The following WDPCP variants were observed in gnomAD, a reference collection of about 807,000 sequenced individuals.
The protein encoded by WDPCP is WD repeat-containing and planar cell polarity effector protein fritz homolog.
Under a neutral mutation model 93.1 loss-of-function variants are expected in WDPCP, and 71 were observed. That is an observed-to-expected ratio of 0.76 (90% CI 0.63 to 0.93). The LOEUF is 0.93. Ranked by LOEUF, WDPCP falls within the 40% of genes least tolerant of loss-of-function variation. WDPCP has a pLI of 0.00. For missense variants in WDPCP, 844 were observed against 887.4 expected, an observed-to-expected ratio of 0.95 and a Z score of 0.62; for synonymous variants, 315 against 315.0, an observed-to-expected ratio of 1.00 and a Z score of 0.00.
intron 13 of WDPCP, among the ~76,000 whole-genome samples, chr2:63,271,784 A>T (rs1046310475): frequency 6.6e-6 from 1 of 152,162 alleles, no homozygotes; most frequent in Non-Finnish European, 1.5e-5. Flanking sequence ...TTTTGAGAGC[A>T]TGACATCAGG....
At chr2:63,723,112 T>A (rs1669450293) in intron 2 of WDPCP, among the ~76,000 whole-genome samples, 3 of 151,806 alleles carry the variant, frequency 2.0e-5, no homozygotes, top group Non-Finnish European at 4.4e-5. Context: ...TCATCACCAC[T>A]CCCTAATCTC....
chr2:63,530,394 T>C (rs1375044775), intron 1 of WDPCP, among the ~76,000 whole-genome samples: 1 of 152,252 alleles, frequency 6.6e-6, no homozygotes, highest in Admixed American at 6.5e-5. Flanking sequence ...GATTCTGGTA[T>C]GCTGTGTCTT....
In WDPCP at chr2:63,619,546, G is replaced by A. The variant is rs537345451; in HGVS notation, n.488+31113C>T. ...CTGCTGTCATTATTTACTCTTCCTC[G>A]GTCTATGTCCTATTTTACTAGATTG... is the stretch of plus-strand genomic sequence containing the variant. On this transcript the variant is annotated intron_variant and non_coding_transcript_variant, in intron 3 of 4. Transcript: ENST00000467687. Among the ~76,000 whole-genome samples the A allele has an allele frequency of 1.3e-4, 19 of 151,918 alleles. No homozygotes were observed. In the South Asian group the frequency reaches 2.7e-3, roughly 22 times the overall value.
chr2:63,823,678 C>T (rs1671064563), intron 1 of WDPCP, among the ~76,000 whole-genome samples: 1 of 151,938 alleles, frequency 6.6e-6, no homozygotes, highest in Non-Finnish European at 1.5e-5. Context: ...TCACACTCTC[C>T]CCCTAAATAC....
chr2:63,827,285 T>C (rs1335176293), intron 1 of WDPCP, among the ~76,000 whole-genome samples: 1 of 152,182 alleles, frequency 6.6e-6, no homozygotes, highest in Non-Finnish European at 1.5e-5. Flanking sequence ...CTTTGTTTTA[T>C]TAAACAAAAT....
At chr2:63,126,920 C>T (rs957997196) in intron 17 of WDPCP, among the ~76,000 whole-genome samples, 3 of 151,754 alleles carry the variant, frequency 2.0e-5, no homozygotes, top group Non-Finnish European at 4.4e-5. Flanking sequence ...TGGGCTCTAG[C>T]GAACTTTTTG....
At chr2:63,334,918 G>C (rs914327520) in intron 12 of WDPCP, among the ~76,000 whole-genome samples, 1 of 152,094 alleles carries the variant, frequency 6.6e-6, no homozygotes, top group African/African-American at 2.4e-5. Context: ...CCCTAAAACA[G>C]TTCTGTTGAC....
chr2:63,606,015 C>G, intron 3 of WDPCP: 2 of 1,613,870 alleles, frequency 1.2e-6, no homozygotes, highest in Non-Finnish European at 1.7e-6. Flanking sequence ...TACTCATTCC[C>G]TGTTGTAATC....
chr2:63,508,750 A>T (rs1702042449), intron 1 of WDPCP, among the ~76,000 whole-genome samples: 1 of 152,210 alleles, frequency 6.6e-6, no homozygotes, highest in African/African-American at 2.4e-5. Context: ...TTTACCAAGC[A>T]AATGGAAAGC....
chr2:63,590,222 T>C (rs1709158131), upstream of WDPCP: 1 of 152,230 alleles, frequency 6.6e-6, no homozygotes, highest in African/African-American at 2.4e-5. Flanking sequence ...GACTTTTTGC[T>C]TTTAGAACTG....
In WDPCP at chr2:63,481,795, C is replaced by T. The variant is rs561206579; in HGVS notation, c.384+2809G>A. Among the ~76,000 whole-genome samples, 16 of 151,882 alleles carry T rather than the reference C, an allele frequency of 1.1e-4. 1 individual carries two copies. The highest frequency in any genetic ancestry group is 3.6e-4 in the African/African-American group (15 of 41,446). ...GACTACAAATAGGATACAGTGAATACTGCTCGGGTGATGGGTGCACCAAAA... is the reference window on the plus strand; with the variant it reads ...GACTACAAATAGGATACAGTGAATATTGCTCGGGTGATGGGTGCACCAAAA... On this transcript the variant is annotated intron_variant, in intron 6 of 17. Transcript: ENST00000272321.
At chr2:63,439,716 C>A (rs1350927154) in intron 7 of WDPCP, 41 bp downstream of exon 7, 2 of 1,555,182 alleles carry the variant, frequency 1.3e-6, no homozygotes, top group Non-Finnish European at 1.8e-6. Context: ...TCCTGCCCCA[C>A]TGTTAATGTA....
intron 10 of WDPCP, among the ~76,000 whole-genome samples, chr2:63,389,266 T>G (rs1382833265): frequency 6.6e-6 from 1 of 152,172 alleles, no homozygotes; most frequent in African/African-American, 2.4e-5. Flanking sequence ...AAGAAAAGAA[T>G]TTTCAACCCA....
intron 2 of WDPCP, among the ~76,000 whole-genome samples, chr2:63,800,865 G>A (rs76081632): frequency 9.2e-4 from 140 of 152,188 alleles, no homozygotes; most frequent in African/African-American, 3.3e-3. Context: ...GCCAGCCTGG[G>A]CAACAGAGAG....
intron 2 of WDPCP, among the ~76,000 whole-genome samples, chr2:63,812,521 T>A (rs1360614442): frequency 1.3e-5 from 2 of 152,208 alleles, no homozygotes; most frequent in Non-Finnish European, 2.9e-5. Context: ...TAATTTACAT[T>A]CCCACCAACA....
chr2:63,190,765 A>C (rs1674981701), intron 14 of WDPCP, among the ~76,000 whole-genome samples: 1 of 152,294 alleles, frequency 6.6e-6, no homozygotes, highest in Admixed American at 6.5e-5. Context: ...CTACTAAACA[A>C]AGCTTAATGT....
chr2:63,667,390 A>C (rs1710296755), intron 2 of WDPCP, among the ~76,000 whole-genome samples: 1 of 152,192 alleles, frequency 6.6e-6, no homozygotes, highest in African/African-American at 2.4e-5. Context: ...CAAAAACCTG[A>C]ACAAGCAATC....
intron 15 of WDPCP, among the ~76,000 whole-genome samples, chr2:63,172,726 A>G (rs1288936864): frequency 1.3e-5 from 2 of 152,194 alleles, no homozygotes; most frequent in African/African-American, 4.8e-5. Flanking sequence ...AAAAAACACC[A>G]AATGCCAATG....
chr2:63,327,224 C>G (rs1387225552), intron 12 of WDPCP, among the ~76,000 whole-genome samples: 1 of 152,170 alleles, frequency 6.6e-6, no homozygotes, highest in Non-Finnish European at 1.5e-5. Flanking sequence ...AATAATTGAT[C>G]TGCTCAAACC....
Sources: gnomAD v4.1 joint callset for allele counts (sites outside exome capture counted in the v4.1 genomes callset) on GRCh38, gnomAD v4.1.1 for gene constraint, MANE v1.5 for transcripts, NCBI Gene and HGNC (gene_info 2026-07-23, HGNC 2026-07-21) for gene names.